IL1RAPL2: variants seen among roughly 807,000 people sequenced by gnomAD.
IL1RAPL2 encodes the protein interleukin 1 receptor accessory protein like 2.
Under a neutral mutation model 44.1 loss-of-function variants are expected in IL1RAPL2, and 3 were observed. The ratio of observed to expected loss-of-function variants is 0.07; its 90% CI spans 0.03 to 0.18. The LOEUF is 0.18. Among genes scored for constraint, IL1RAPL2 ranks in the 10% least tolerant of loss-of-function variants. IL1RAPL2 has a pLI of 1.00. For synonymous variants in IL1RAPL2, 181 were observed against 178.8 expected (o/e 1.01, Z -0.10); for missense variants, 391 against 496.4 (o/e 0.79, Z 2.02).
In IL1RAPL2 at chrX:105,753,190, T is replaced by C. The variant is rs1264491900; in HGVS notation, c.1193-1987T>C. Among the ~76,000 whole-genome samples the C allele has an allele frequency of 5.4e-5, 6 of 111,130 alleles. No individual in the cohort carries two copies. The Admixed American group carries it at 5.8e-4, about 11-fold the overall frequency. ...AGTATGTTTGGAAGACAAATAACCATAGTACAAGCAATAGGACAGGAGTCT... is the reference window on the plus strand; with the variant it reads ...AGTATGTTTGGAAGACAAATAACCACAGTACAAGCAATAGGACAGGAGTCT... On this transcript the variant is annotated intron_variant, in intron 9 of 10. Transcript: ENST00000372582.
At chrX:104,626,641 T>C (rs1929511571) in intron 1 of IL1RAPL2, among the ~76,000 whole-genome samples, 1 of 109,810 alleles carries the variant, frequency 9.1e-6, no homozygotes, top group Non-Finnish European at 1.9e-5. Flanking sequence ...CTGCCAACTT[T>C]TCTATCTGTA....
intron 2 of IL1RAPL2, among the ~76,000 whole-genome samples, chrX:105,036,969 A>G (rs1475338095): frequency 8.9e-6 from 1 of 112,035 alleles, no homozygotes; most frequent in Non-Finnish European, 1.9e-5. Flanking sequence ...ACTCTATCTT[A>G]GCTGACAAGT....
At position 104,999,928 on chromosome X, in the gene IL1RAPL2, C is replaced by T. The variant is rs192359799; in HGVS notation, c.83-195547C>T. Among the ~76,000 whole-genome samples, 26 of 109,249 alleles carry T rather than the reference C, an allele frequency of 2.4e-4. No individual in the cohort carries two copies. In the East Asian group the frequency reaches 7.5e-3, roughly 31 times the overall value. 94.9% of individuals were successfully genotyped at this position (109,249 alleles called of 115,157 possible). A position where few individuals can be genotyped will look rare whatever the true frequency, so the allele number is the denominator to read the frequency against. On this transcript the variant is annotated intron_variant, in intron 2 of 10. Coordinates refer to ENST00000372582, the MANE Select transcript of IL1RAPL2 (RefSeq NM_017416.2). ...CTTTCCATTTAATCTTTCACTTCAA[C>T]ATTATTACCCCTCTCACTCATAACA...
intron 5 of IL1RAPL2, among the ~76,000 whole-genome samples, chrX:105,416,942 T>C (rs1224886318): frequency 8.9e-6 from 1 of 112,367 alleles, no homozygotes; most frequent in Non-Finnish European, 1.9e-5. Flanking sequence ...GGCGACAGTA[T>C]TTTTTCATAC....
intron 5 of IL1RAPL2, among the ~76,000 whole-genome samples, chrX:105,357,814 A>C (rs2035214588): frequency 9.1e-6 from 1 of 109,996 alleles, no homozygotes; most frequent in African/African-American, 3.3e-5. Flanking sequence ...ACACATATAC[A>C]CACACAAGGT....
intron 6 of IL1RAPL2, among the ~76,000 whole-genome samples, chrX:105,530,690 A>C (rs1042362067): frequency 9.1e-6 from 1 of 110,145 alleles, no homozygotes; most frequent in East Asian, 2.9e-4. Flanking sequence ...CATTCTTTCT[A>C]TCTTTTGTAC....
At chrX:105,626,596 TAA>T (rs1196485673) in intron 6 of IL1RAPL2, among the ~76,000 whole-genome samples, 3 of 111,502 alleles carry the variant, frequency 2.7e-5, no homozygotes, top group African/African-American at 9.8e-5. Flanking sequence ...TTAGAGGTGA[TAA>T]GTTTATTTTT....
intron 2 of IL1RAPL2, among the ~76,000 whole-genome samples, chrX:104,749,418 A>G (rs762693572): frequency 1.9e-4 from 21 of 111,410 alleles, no homozygotes; most frequent in Non-Finnish European, 3.2e-4. Context: ...TTTATAGTCC[A>G]TGTATCTAAA....
chrX:105,168,813 G>A (rs1225514185), intron 2 of IL1RAPL2, among the ~76,000 whole-genome samples: 1 of 109,900 alleles, frequency 9.1e-6, no homozygotes, highest in East Asian at 2.9e-4. Context: ...AGGTCAATCT[G>A]CTGTACTCAG....
chrX:105,305,238 A>G (rs749145224), intron 5 of IL1RAPL2, among the ~76,000 whole-genome samples: 1 of 111,111 alleles, frequency 9.0e-6, no homozygotes, highest in Admixed American at 9.6e-5. Context: ...TGAGATGAAT[A>G]AGTTCTAGAG....
chrX:104,607,906 G>A (rs1371111873), intron 1 of IL1RAPL2, among the ~76,000 whole-genome samples: 1 of 111,819 alleles, frequency 8.9e-6, no homozygotes, highest in African/African-American at 3.3e-5. Flanking sequence ...TATAAATCAT[G>A]CTAGTATACA....
intron 2 of IL1RAPL2, among the ~76,000 whole-genome samples, chrX:104,674,081 AC>A (rs1257793430): frequency 9.0e-6 from 1 of 111,152 alleles, no homozygotes; most frequent in Non-Finnish European, 1.9e-5. Flanking sequence ...CTAATTAAAT[AC>A]CCTTTATTTC....
At chrX:105,160,057 A>G (rs1270380419) in intron 2 of IL1RAPL2, among the ~76,000 whole-genome samples, 2 of 99,261 alleles carry the variant, frequency 2.0e-5, no homozygotes, top group Non-Finnish European at 4.0e-5. Context: ...AGCGTAATCT[A>G]TTGGGGCCTG....
chrX:105,007,052 A>C (rs1338631618), intron 2 of IL1RAPL2, among the ~76,000 whole-genome samples: 1 of 111,581 alleles, frequency 9.0e-6, no homozygotes, highest in Non-Finnish European at 1.9e-5. Context: ...GCCTGCCAAC[A>C]ACTTATATCC....
intron 4 of IL1RAPL2, among the ~76,000 whole-genome samples, chrX:105,257,413 T>C (rs1306023300): frequency 8.9e-6 from 1 of 112,019 alleles, no homozygotes; most frequent in African/African-American, 3.2e-5. Flanking sequence ...ATATATTCTG[T>C]TGTTTTCAGG....
chrX:105,430,273 T>A (rs1184667058), intron 5 of IL1RAPL2, among the ~76,000 whole-genome samples: 1 of 111,608 alleles, frequency 9.0e-6, no homozygotes, highest in African/African-American at 3.2e-5. Context: ...ACACCCATAG[T>A]AGACATTGCC....
At chrX:105,428,469 C>A (rs1200857585) in intron 5 of IL1RAPL2, among the ~76,000 whole-genome samples, 2 of 111,422 alleles carry the variant, frequency 1.8e-5, no homozygotes, top group African/African-American at 6.5e-5. Context: ...GTCTGAGATT[C>A]CCCCTAAATC....
intron 3 of IL1RAPL2, among the ~76,000 whole-genome samples, chrX:105,205,338 C>T (rs2033751639): frequency 9.2e-6 from 1 of 108,860 alleles, no homozygotes; most frequent in Non-Finnish European, 1.9e-5. Flanking sequence ...CCTGTAATCC[C>T]GGCACTTTGG....
rs188319950 is a variant in IL1RAPL2, at chrX:105,360,438, G to A, written c.697+92897G>A. Among the ~76,000 whole-genome samples the A allele has an allele frequency of 1.8e-4, 20 of 111,376 alleles. No homozygotes were observed. In the East Asian group the frequency reaches 2.0e-3, roughly 11 times the overall value. On this transcript the variant is annotated intron_variant, in intron 5 of 10. Coordinates refer to ENST00000372582, the MANE Select transcript of IL1RAPL2 (RefSeq NM_017416.2). ...AAAGTCCTGTCCTCATAGAGTGTAC[G>A]TTCTAGAGAGTGAGACAGTTGATTC... is the stretch of plus-strand genomic sequence containing the variant.
Sources: gnomAD v4.1 joint callset for allele counts (sites outside exome capture counted in the v4.1 genomes callset) on GRCh38, gnomAD v4.1.1 for gene constraint, MANE v1.5 for transcripts, NCBI Gene and HGNC (gene_info 2026-07-23, HGNC 2026-07-21) for gene names.